ANO2: variants seen among roughly 807,000 people sequenced by gnomAD.
ANO2 encodes the protein anoctamin 2.
A neutral mutation model predicts 124.2 loss-of-function variants in ANO2; 101 were observed. The observed-to-expected ratio is 0.81, with a 90% confidence interval of 0.69 to 0.96. The LOEUF (loss-of-function observed/expected upper bound fraction) is 0.96. ANO2 is among the 40% of genes least tolerant of loss of function. The pLI is 0.00. For synonymous variants in ANO2, 486 were observed against 482.5 expected, an observed-to-expected ratio of 1.01 and a Z score of -0.09; for missense variants, 1,293 against 1,274.5, an observed-to-expected ratio of 1.01 and a Z score of -0.22.
intron 16 of ANO2, among the ~76,000 whole-genome samples, chr12:5,624,041 G>A (rs964710487): frequency 6.6e-6 from 1 of 152,116 alleles, no homozygotes; most frequent in African/African-American, 2.4e-5. Flanking sequence ...GGGATCTAGA[G>A]GGTGTGCCTG....
At chr12:5,594,094 G>C (rs1246999262) in intron 20 of ANO2, among the ~76,000 whole-genome samples, 1 of 152,146 alleles carries the variant, frequency 6.6e-6, no homozygotes, top group Non-Finnish European at 1.5e-5. Flanking sequence ...GAAAGTCATA[G>C]CAAAATAGAC....
At chr12:5,871,312 T>C (rs775913325) in intron 3 of ANO2, among the ~76,000 whole-genome samples, 8 of 152,248 alleles carry the variant, frequency 5.3e-5, no homozygotes, top group Non-Finnish European at 1.0e-4. Context: ...GAATAATTTC[T>C]TAAAAACTGG....
At chr12:5,937,995 G>A (rs1392077204) in intron 1 of ANO2, among the ~76,000 whole-genome samples, 1 of 152,140 alleles carries the variant, frequency 6.6e-6, no homozygotes, top group East Asian at 1.9e-4. Flanking sequence ...TCCCAGTACC[G>A]TTCGACTTCT....
intron 3 of ANO2, among the ~76,000 whole-genome samples, chr12:5,899,297 G>C (rs1040453073): frequency 5.9e-5 from 9 of 152,174 alleles, no homozygotes; most frequent in Non-Finnish European, 1.2e-4. Context: ...CAAAGTGCAT[G>C]ATTCCCATCT....
chr12:5,770,445 C>G (rs1278396866), intron 10 of ANO2, among the ~76,000 whole-genome samples: 1 of 152,152 alleles, frequency 6.6e-6, no homozygotes, highest in Non-Finnish European at 1.5e-5. Flanking sequence ...CCCAGTCTTT[C>G]ATATTTCAGC....
intron 22 of ANO2, among the ~76,000 whole-genome samples, chr12:5,577,267 T>A (rs1017030450): frequency 5.3e-5 from 8 of 152,236 alleles, no homozygotes; most frequent in Admixed American, 5.2e-4. Flanking sequence ...GTCAAATCAC[T>A]GTTTGCCTCC....
At chr12:5,846,528 T>G (rs1214753998) in intron 4 of ANO2, among the ~76,000 whole-genome samples, 1 of 152,226 alleles carries the variant, frequency 6.6e-6, no homozygotes, top group Non-Finnish European at 1.5e-5. Context: ...ATTAGTTTCA[T>G]AGTGCTGCCA....
intron 14 of ANO2, among the ~76,000 whole-genome samples, chr12:5,689,019 A>G (rs903784691): frequency 2.0e-5 from 3 of 152,196 alleles, no homozygotes; most frequent in African/African-American, 7.2e-5. Flanking sequence ...CACAGGATGT[A>G]TTGATTAGGA....
intron 16 of ANO2, among the ~76,000 whole-genome samples, chr12:5,632,090 C>T (rs554289500): frequency 2.2e-4 from 34 of 152,174 alleles, no homozygotes; most frequent in Admixed American, 4.6e-4. Context: ...AAAACTTCCC[C>T]GATACCCACT....
At chr12:5,879,772 T>C (rs1019052537) in intron 3 of ANO2, among the ~76,000 whole-genome samples, 7 of 152,040 alleles carry the variant, frequency 4.6e-5, no homozygotes, top group Non-Finnish European at 8.8e-5. Context: ...GGGTGTGCAT[T>C]TGGGGTCAAG....
intron 1 of ANO2, among the ~76,000 whole-genome samples, chr12:5,935,334 A>AT (rs1942602882): frequency 6.6e-6 from 1 of 152,228 alleles, no homozygotes; most frequent in Admixed American, 6.5e-5. Context: ...TGGTAACACC[A>AT]TGTGAAAGTC....
At chr12:5,566,196 G>T (rs572122138) in intron 23 of ANO2, among the ~76,000 whole-genome samples, 7 of 152,354 alleles carry the variant, frequency 4.6e-5, no homozygotes, top group African/African-American at 1.7e-4. Flanking sequence ...GAACCAAAAA[G>T]AAGGCTGATC....
intron 10 of ANO2, among the ~76,000 whole-genome samples, chr12:5,791,790 T>C (rs1036609465): frequency 1.3e-5 from 2 of 152,276 alleles, no homozygotes; most frequent in African/African-American, 2.4e-5. Context: ...ATACAGTGGA[T>C]TGATTTACAG....
chr12:5,690,983 C>T (rs866152440), intron 14 of ANO2, among the ~76,000 whole-genome samples: 1 of 152,156 alleles, frequency 6.6e-6, no homozygotes, highest in Admixed American at 6.5e-5. Flanking sequence ...TCCAACAGAG[C>T]CCCCATCTCA....
At position 5,636,809 on chromosome 12, in the gene ANO2, A is replaced by T. The variant is rs1413180088; in HGVS notation, c.1621-1462T>A. ...TTGCTAATGGGTGGCAGATGTGTCC[A>T]GGTATGGATGTTTTCAGACCTCTGG... On this transcript the variant is annotated intron_variant, in intron 15 of 24. Coordinates refer to ENST00000682330, the MANE Select transcript of ANO2 (RefSeq NM_001364791.2). The surrounding 1 kb of genome is among the most constrained non-coding windows in gnomAD (Gnocchi z 4.6). Among the ~76,000 whole-genome samples the T allele has an allele frequency of 6.6e-6, 1 of 152,102 alleles. No homozygotes were observed. The highest frequency in any genetic ancestry group is 1.5e-5 in the Non-Finnish European group (1 of 68,018).
intron 14 of ANO2, among the ~76,000 whole-genome samples, chr12:5,681,897 T>C (rs1056828259): frequency 7.9e-5 from 12 of 152,210 alleles, no homozygotes; most frequent in African/African-American, 2.9e-4. Context: ...GAAGTTCCTT[T>C]CATGGGTCCA....
chr12:5,578,039 C>T (rs1161734994), intron 21 of ANO2, 32 bp from the exon 22 acceptor site: 4 of 1,607,794 alleles, frequency 2.5e-6, no homozygotes, highest in Non-Finnish European at 3.4e-6. Context: ...GTCTGGCTCA[C>T]TCCCGCCCTC....
At chr12:5,579,584 G>T (rs1942620645) in intron 20 of ANO2, among the ~76,000 whole-genome samples, 1 of 152,222 alleles carries the variant, frequency 6.6e-6, no homozygotes, top group East Asian at 1.9e-4. Context: ...CATTCTCCCA[G>T]GATGCTAGAG....
intron 4 of ANO2, among the ~76,000 whole-genome samples, chr12:5,834,501 C>T (rs956846399): frequency 5.3e-5 from 8 of 152,162 alleles, no homozygotes; most frequent in Admixed American, 1.3e-4. Flanking sequence ...GAAACATATT[C>T]GTTGAGGGAG....
Sources: allele counts gnomAD v4.1 joint callset (sites outside exome capture counted in the v4.1 genomes callset), GRCh38; gene constraint gnomAD v4.1.1; non-coding constraint Gnocchi (gnomAD v3.1); transcripts MANE v1.5; gene names NCBI Gene and HGNC (gene_info 2026-07-23, HGNC 2026-07-21).